The following ADAMTSL1 variants were observed in gnomAD, a reference collection of about 807,000 sequenced individuals.
ADAMTSL1 encodes ADAMTS like 1, also known as ADAMTS-like protein 1.
Under a neutral mutation model 201.8 loss-of-function variants are expected in ADAMTSL1, and 126 were observed. The observed-to-expected ratio is 0.62, with a 90% CI of 0.54 to 0.72. ADAMTSL1 has a LOEUF of 0.72. Among genes scored for constraint, ADAMTSL1 ranks in the 30% least tolerant of loss-of-function variants. The pLI is 0.00. For missense variants in ADAMTSL1, 2,679 were observed against 2,277.8 expected, an observed-to-expected ratio of 1.18 and a Z score of -3.59; for synonymous variants, 1,121 against 903.4, an observed-to-expected ratio of 1.24 and a Z score of -4.32.
At chr9:18,625,285 T>C (rs2132694542) in intron 5 of ADAMTSL1, among the ~76,000 whole-genome samples, 1 of 151,410 alleles carries the variant, frequency 6.6e-6, no homozygotes, top group South Asian at 2.1e-4. Context: ...TTTTTTTTTT[T>C]TCCCTTATGT....
intron 2 of ADAMTSL1, among the ~76,000 whole-genome samples, chr9:18,297,159 G>A (rs979977550): frequency 1.2e-4 from 18 of 152,128 alleles, no homozygotes; most frequent in Admixed American, 2.6e-4. Flanking sequence ...AAGTCAGCCC[G>A]TATTATCTCA....
intron 2 of ADAMTSL1, among the ~76,000 whole-genome samples, chr9:18,416,469 T>C (rs1284546962): frequency 2.6e-5 from 4 of 151,996 alleles, no homozygotes; most frequent in African/African-American, 9.7e-5. Context: ...AATTGAAAGA[T>C]AGAGATTGTC....
At chr9:18,610,993 A>G (rs1323112626) in intron 4 of ADAMTSL1, among the ~76,000 whole-genome samples, 3 of 152,196 alleles carry the variant, frequency 2.0e-5, no homozygotes, top group Non-Finnish European at 2.9e-5. Flanking sequence ...TCATAGTAGA[A>G]TAGCTACTTT....
At chr9:18,068,618 C>A (rs1359678131) in intron 1 of ADAMTSL1, among the ~76,000 whole-genome samples, 2 of 152,108 alleles carry the variant, frequency 1.3e-5, no homozygotes, top group African/African-American at 2.4e-5. Context: ...AAACGCAAAC[C>A]AAGCAGAGGT....
intron 19 of ADAMTSL1, among the ~76,000 whole-genome samples, chr9:18,791,252 AC>A (rs1056933129): frequency 1.3e-5 from 2 of 151,982 alleles, no homozygotes; most frequent in East Asian, 3.9e-4. Context: ...CCTGCATGGG[AC>A]CCCCCTCCAG....
At chr9:18,773,552 G>T (rs1820813415) in intron 17 of ADAMTSL1, among the ~76,000 whole-genome samples, 1 of 152,172 alleles carries the variant, frequency 6.6e-6, no homozygotes, top group Non-Finnish European at 1.5e-5. Context: ...TAAAATTAGA[G>T]CTGTTTTGGT....
chr9:18,709,923 G>A (rs78035272), intron 14 of ADAMTSL1, among the ~76,000 whole-genome samples: 2,515 of 152,232 alleles, frequency 0.017, 66 homozygotes, highest in African/African-American at 0.058. Flanking sequence ...TTTTGCTTCT[G>A]TCAAGAAAGG....
intron 23 of ADAMTSL1, among the ~76,000 whole-genome samples, chr9:18,863,697 C>T (rs1827344069): frequency 6.6e-6 from 1 of 152,140 alleles, no homozygotes; most frequent in Non-Finnish European, 1.5e-5. Context: ...TCTTTAGCGA[C>T]CATCTCTGCC....
At chr9:18,337,384 T>C (rs543387079) in intron 2 of ADAMTSL1, among the ~76,000 whole-genome samples, 1 of 152,260 alleles carries the variant, frequency 6.6e-6, no homozygotes, top group African/African-American at 2.4e-5. Context: ...AGATGGCTTA[T>C]TGTGGGGCTT....
intron 2 of ADAMTSL1, among the ~76,000 whole-genome samples, chr9:18,187,989 G>A (rs1385613663): frequency 6.6e-6 from 1 of 152,046 alleles, no homozygotes. Flanking sequence ...GTTTTGATGG[G>A]TACTGTAGAG....
chr9:18,562,892 T>G (rs1251592357), intron 3 of ADAMTSL1, among the ~76,000 whole-genome samples: 2 of 152,240 alleles, frequency 1.3e-5, no homozygotes, highest in Non-Finnish European at 1.5e-5. Flanking sequence ...TTCTCTAAAC[T>G]GGTTATTCTA....
At chr9:18,457,851 T>C (rs1820666516) in intron 2 of ADAMTSL1, among the ~76,000 whole-genome samples, 1 of 152,232 alleles carries the variant, frequency 6.6e-6, no homozygotes, top group Non-Finnish European at 1.5e-5. Context: ...CAATACAAAG[T>C]TATTCAAAAA....
At chr9:18,000,769 A>T (rs1030561394) in intron 1 of ADAMTSL1, among the ~76,000 whole-genome samples, 1 of 152,112 alleles carries the variant, frequency 6.6e-6, no homozygotes, top group Non-Finnish European at 1.5e-5. Context: ...GGTAGAAAAG[A>T]TTAAGGATCT....
At chr9:18,769,695 CT>C (rs1348112842) in intron 16 of ADAMTSL1, among the ~76,000 whole-genome samples, 1 of 152,208 alleles carries the variant, frequency 6.6e-6, no homozygotes, top group Non-Finnish European at 1.5e-5. Context: ...GCCACACCAT[CT>C]TTTTGGGCAC....
At chr9:18,307,110 G>T (rs1166615530) in intron 2 of ADAMTSL1, among the ~76,000 whole-genome samples, 1 of 152,100 alleles carries the variant, frequency 6.6e-6, no homozygotes, top group Non-Finnish European at 1.5e-5. Context: ...CATAAGCGAA[G>T]GGGAAATAAA....
chr9:18,095,246 G>C (rs1824194987), intron 1 of ADAMTSL1, among the ~76,000 whole-genome samples: 1 of 151,978 alleles, frequency 6.6e-6, no homozygotes, highest in Non-Finnish European at 1.5e-5. Context: ...ACAGCCAATA[G>C]ATCACACACA....
At position 18,910,616 on chromosome 9, in the gene ADAMTSL1, T is replaced by TA; in HGVS notation, c.*2069dup. 6.6e-6 allele frequency: 1 copy of TA among 152,368 alleles called. No individual in the cohort carries two copies. Among genetic ancestry groups the TA allele is most frequent in the East Asian group, 1.9e-4 (1 of 5,188 alleles). The allele number at this position is 152,368 out of a possible 1,614,324, so 9.4% of individuals were successfully genotyped here. ...TAAAGACAGACAAATTCCATACTAC[T>TA]ACTAATGTGGTTAATTATTTCTAGT... On this transcript the variant is annotated 3_prime_UTR_variant, in exon 29 of 29. Coordinates refer to ENST00000380548, the MANE Select transcript of ADAMTSL1 (RefSeq NM_001040272.6).
intron 1 of ADAMTSL1, among the ~76,000 whole-genome samples, chr9:17,908,824 G>T (rs1331046397): frequency 4.6e-5 from 7 of 152,204 alleles, no homozygotes; most frequent in South Asian, 2.1e-4. Context: ...ATAGTCCTTT[G>T]GGTATATACC....
intron 3 of ADAMTSL1, among the ~76,000 whole-genome samples, chr9:18,554,370 C>G (rs1182064781): frequency 6.6e-6 from 1 of 151,656 alleles, no homozygotes; most frequent in African/African-American, 2.4e-5. Context: ...TTATGTTATC[C>G]TTATATGCTT....
Sources: gnomAD v4.1 joint callset for allele counts (sites outside exome capture counted in the v4.1 genomes callset) on GRCh38, gnomAD v4.1.1 for gene constraint, MANE v1.5 for transcripts, NCBI Gene and HGNC (gene_info 2026-07-23, HGNC 2026-07-21) for gene names.